Variants in STK32C observed in about 807,000 individuals in gnomAD.
STK32C encodes serine/threonine kinase 32C, also known as serine/threonine-protein kinase 32C.
A neutral mutation model predicts 56.5 loss-of-function variants in STK32C; 31 were observed. The ratio of observed to expected loss-of-function variants is 0.55; its 90% CI spans 0.41 to 0.74. STK32C has a LOEUF of 0.74. Among genes scored for constraint, STK32C ranks in the 30% least tolerant of loss-of-function variants. The probability of loss-of-function intolerance (pLI) is 0.00; values close to 1 mark genes in which losing one functional copy is unlikely to be tolerated. For synonymous variants in STK32C, 309 were observed against 289.4 expected (o/e 1.07, Z -0.69); for missense variants, 544 against 676.9 (o/e 0.80, Z 2.18).
At chr10:132,270,926 G>A (rs1180142689) in intron 1 of STK32C, among the ~76,000 whole-genome samples, 1 of 147,842 alleles carries the variant, frequency 6.8e-6, no homozygotes, top group Non-Finnish European at 1.5e-5. Context: ...CCCCTCCAGA[G>A]CAACAGCCAA....
chr10:132,239,279 A>G (rs1218171904), intron 2 of STK32C, among the ~76,000 whole-genome samples: 1 of 152,194 alleles, frequency 6.6e-6, no homozygotes, highest in Non-Finnish European at 1.5e-5. Context: ...TGGTCCCCAC[A>G]GGAGAGCAGG....
At chr10:132,277,226 G>A (rs372072904) in intron 1 of STK32C, among the ~76,000 whole-genome samples, 11 of 152,312 alleles carry the variant, frequency 7.2e-5, no homozygotes, top group Non-Finnish European at 1.5e-4. Flanking sequence ...CACCGAAGAC[G>A]GGCCGAAGGG....
At chr10:132,282,632 T>C (rs1352729016) in intron 1 of STK32C, among the ~76,000 whole-genome samples, 1 of 152,162 alleles carries the variant, frequency 6.6e-6, no homozygotes, top group Non-Finnish European at 1.5e-5. Flanking sequence ...AAACCCCAAC[T>C]TGAAACAAGA....
At chr10:132,233,698 T>C (rs2063177798) in intron 2 of STK32C, among the ~76,000 whole-genome samples, 2 of 152,342 alleles carry the variant, frequency 1.3e-5, no homozygotes, top group Admixed American at 6.5e-5. Context: ...GAACCCCCCA[T>C]GCCCTATGGC....
intron 1 of STK32C, among the ~76,000 whole-genome samples, chr10:132,315,588 G>T (rs552036046): frequency 2.6e-5 from 4 of 152,278 alleles, no homozygotes; most frequent in Non-Finnish European, 4.4e-5. Flanking sequence ...GACAACCGGA[G>T]AGAAAAATAG....
At chr10:132,249,491 C>T (rs997197501) in intron 1 of STK32C, among the ~76,000 whole-genome samples, 18 of 152,138 alleles carry the variant, frequency 1.2e-4, no homozygotes, top group Non-Finnish European at 2.2e-4. Context: ...ACCGCACCAG[C>T]GCCCCTGAGA....
chr10:132,329,074 G>A (rs942001775), intron 1 of STK32C, among the ~76,000 whole-genome samples: 1 of 152,240 alleles, frequency 6.6e-6, no homozygotes, highest in African/African-American at 2.4e-5. Context: ...TTCCGCCCAG[G>A]GGAGATGAAA....
intron 3 of STK32C, among the ~76,000 whole-genome samples, chr10:132,227,557 A>G (rs914280362): frequency 6.6e-6 from 1 of 151,618 alleles, no homozygotes; most frequent in East Asian, 1.9e-4. Context: ...GATTATAGTG[A>G]TGACGGTGAT....
At chr10:132,215,599 G>T (rs1000906597) in intron 10 of STK32C, among the ~76,000 whole-genome samples, 2 of 152,132 alleles carry the variant, frequency 1.3e-5, no homozygotes, top group Non-Finnish European at 2.9e-5. Flanking sequence ...CAGCCATGTG[G>T]AACTGTAAGT....
At chr10:132,248,201 G>A (rs529971255) in intron 1 of STK32C, among the ~76,000 whole-genome samples, 19 of 152,372 alleles carry the variant, frequency 1.2e-4, no homozygotes, top group African/African-American at 4.1e-4. Flanking sequence ...GTCACCCAAC[G>A]TCACCAGATG....
chr10:132,255,046 A>C lies in STK32C; in HGVS notation c.263-9091T>G, dbSNP rs59449778. On this transcript the variant is annotated intron_variant, in intron 1 of 11. Coordinates refer to ENST00000298630, the MANE Select transcript of STK32C (RefSeq NM_173575.4). This position sits in a 1 kb window ranked among gnomAD's most constrained non-coding sequence, Gnocchi z 4.6. ...CTCAGGCAGAACCAGCCCGTTCACC[A>C]ATGGGAGGATTGCACAGCAGAAGTG... Among the ~76,000 whole-genome samples the C allele has an allele frequency of 0.14, 20,649 of 151,706 alleles. 2,580 individuals carry two copies. Among genetic ancestry groups the C allele is most frequent in the African/African-American group, 0.33 (13,685 of 41,378 alleles).
rs749504362 is a variant in STK32C at position 132,307,521 on chromosome 10, C to A, written c.262+51G>T. Reference sequence around the variant, plus strand: ...CGGGAAAAAGCCGCCCAGCCGCGCCCGCCCCTGCAATAGCGCGCGGCCCCC... The same window carrying A: ...CGGGAAAAAGCCGCCCAGCCGCGCCAGCCCCTGCAATAGCGCGCGGCCCCC... On this transcript the variant is annotated intron_variant, in intron 1 of 11. Coordinates refer to ENST00000298630, the MANE Select transcript of STK32C (RefSeq NM_173575.4). The surrounding 1 kb of genome is among the most constrained non-coding windows in gnomAD (Gnocchi z 4.4). The A allele has an allele frequency of 1.3e-6, 2 of 1,506,666 alleles. No individual in the cohort carries two copies. The highest frequency in any genetic ancestry group is 4.3e-5 in the Admixed American group (2 of 46,398). The allele number at this position is 1,506,666 out of a possible 1,614,324, so 93.3% of individuals were successfully genotyped here.
At chr10:132,258,531 G>C (rs1267662963) in intron 1 of STK32C, among the ~76,000 whole-genome samples, 1 of 152,164 alleles carries the variant, frequency 6.6e-6, no homozygotes, top group African/African-American at 2.4e-5. Context: ...CGTTCTCCTG[G>C]AAGGACAGGT....
At chr10:132,283,295 G>A (rs913840472) in intron 1 of STK32C, among the ~76,000 whole-genome samples, 13 of 152,230 alleles carry the variant, frequency 8.5e-5, no homozygotes, top group South Asian at 4.1e-4. Context: ...ACTGTAACAC[G>A]GGTAAGTTAC....
At chr10:132,302,040 G>A (rs572901664) in intron 1 of STK32C, among the ~76,000 whole-genome samples, 2 of 152,296 alleles carry the variant, frequency 1.3e-5, no homozygotes, top group African/African-American at 4.8e-5. Flanking sequence ...CAGGCCGGCT[G>A]GGTCAGCCGC....
chr10:132,223,206 A>C (rs2062747060), intron 8 of STK32C, among the ~76,000 whole-genome samples: 1 of 152,204 alleles, frequency 6.6e-6, no homozygotes, highest in Non-Finnish European at 1.5e-5. Flanking sequence ...GCCTGTTCTC[A>C]GTGCTGCTAC....
intron 1 of STK32C, among the ~76,000 whole-genome samples, chr10:132,253,519 G>A (rs1318406266): frequency 7.5e-6 from 1 of 132,506 alleles, no homozygotes; most frequent in Admixed American, 7.1e-5. Flanking sequence ...AGGGAGCTGA[G>A]GGAGCCGGAG....
chr10:132,327,085 G>A (rs948765515), intron 1 of STK32C, among the ~76,000 whole-genome samples: 2 of 152,324 alleles, frequency 1.3e-5, no homozygotes, highest in Non-Finnish European at 2.9e-5. Flanking sequence ...CGGTTTGGCT[G>A]TGTCTCCACT....
chr10:132,240,015 T>G (rs115582222), intron 2 of STK32C, among the ~76,000 whole-genome samples: 2,843 of 152,238 alleles, frequency 0.019, 81 homozygotes, highest in African/African-American at 0.063. Flanking sequence ...TCAGGCTGAG[T>G]TCACCCAGGC....
Sources: allele counts gnomAD v4.1 joint callset (sites outside exome capture counted in the v4.1 genomes callset), GRCh38; gene constraint gnomAD v4.1.1; non-coding constraint Gnocchi (gnomAD v3.1); transcripts MANE v1.5; gene names NCBI Gene and HGNC (gene_info 2026-07-23, HGNC 2026-07-21).